Variants in RAB3C observed in about 807,000 individuals in gnomAD.
The protein encoded by RAB3C is RAB3C, member RAS oncogene family.
Under a neutral mutation model 26.4 loss-of-function variants are expected in RAB3C, and 17 were observed. The observed-to-expected ratio is 0.64, with a 90% CI of 0.44 to 0.97. The LOEUF is 0.97. RAB3C is among the 50% of genes least tolerant of loss of function. The pLI, the probability that RAB3C is intolerant of heterozygous loss-of-function variation, is 0.00. For synonymous variants in RAB3C, 91 were observed against 95.9 expected (o/e 0.95, Z 0.30); for missense variants, 242 against 281.9 (o/e 0.86, Z 1.01).
intron 1 of RAB3C, among the ~76,000 whole-genome samples, chr5:58,602,971 T>C (rs1293974039): frequency 2.0e-5 from 3 of 152,230 alleles, no homozygotes; most frequent in Non-Finnish European, 4.4e-5. Flanking sequence ...TTTCAAGGTT[T>C]AGAGCTCCTT....
chr5:58,811,928 G>A (rs1022695147), intron 3 of RAB3C, among the ~76,000 whole-genome samples: 10 of 151,942 alleles, frequency 6.6e-5, no homozygotes, highest in African/African-American at 2.2e-4. Context: ...AAGTACCCAT[G>A]GTCCTCTGCT....
intron 1 of RAB3C, among the ~76,000 whole-genome samples, chr5:58,616,754 C>A (rs1004952154): frequency 6.6e-6 from 1 of 152,126 alleles, no homozygotes; most frequent in Non-Finnish European, 1.5e-5. Flanking sequence ...GGTCACACAG[C>A]CAGTAAAGAG....
intron 3 of RAB3C, among the ~76,000 whole-genome samples, chr5:58,789,220 G>C (rs776175849): frequency 1.2e-4 from 19 of 152,064 alleles, no homozygotes; most frequent in Non-Finnish European, 1.8e-4. Context: ...TGGGGTACCA[G>C]CTGCCTCATT....
chr5:58,748,461 C>T (rs1244775483), intron 3 of RAB3C, among the ~76,000 whole-genome samples: 1 of 152,072 alleles, frequency 6.6e-6, no homozygotes, highest in Non-Finnish European at 1.5e-5. Flanking sequence ...AGTCTGAGAA[C>T]CATTGCTGTA....
At chr5:58,639,253 T>G (rs1428857535) in intron 2 of RAB3C, among the ~76,000 whole-genome samples, 1 of 152,110 alleles carries the variant, frequency 6.6e-6, no homozygotes, top group African/African-American at 2.4e-5. Context: ...TGACCTTGAT[T>G]TTTTTTAAAG....
At chr5:58,589,574 T>C (rs756072901) in intron 1 of RAB3C, among the ~76,000 whole-genome samples, 26 of 152,308 alleles carry the variant, frequency 1.7e-4, no homozygotes, top group Middle Eastern at 3.4e-3. Context: ...AGAGTTTTAA[T>C]TTTTAAAGAT....
Position 58,855,523 on chromosome 5 carries a change from C to T in RAB3C, c.*4172C>T, listed in dbSNP as rs1290657828. The T allele has an allele frequency of 6.6e-6, 1 of 152,196 alleles. No homozygotes were observed. The highest frequency in any genetic ancestry group is 1.5e-5 in the Non-Finnish European group (1 of 68,046). The allele number at this position is 152,196 out of a possible 1,614,324, so 9.4% of individuals were successfully genotyped here. ...CACATGAGCAACTACACCCATGTGG[C>T]CTTTCTGTCACTCCCTGGAAAATGC... On this transcript the variant is annotated 3_prime_UTR_variant, in exon 5 of 5. Coordinates refer to ENST00000282878, the MANE Select transcript of RAB3C (RefSeq NM_138453.4).
Position 58,851,160 on chromosome 5 carries a change from C to T in RAB3C, c.497-4C>T. 1 of 1,588,544 alleles carries T rather than the reference C, an allele frequency of 6.3e-7. No homozygotes were observed. Among genetic ancestry groups the T allele is most frequent in the Non-Finnish European group, 8.5e-7 (1 of 1,170,394 alleles). ...CAAGATGTGTTTCTGTGTGTTTCTT[C>T]CAGGGTTTGAGTTTTTTGAAACAAG... On this transcript the variant is annotated splice_polypyrimidine_tract_variant and splice_region_variant and intron_variant, in intron 4 of 4. Coordinates refer to ENST00000282878, the MANE Select transcript of RAB3C (RefSeq NM_138453.4).
intron 4 of RAB3C, among the ~76,000 whole-genome samples, chr5:58,826,249 G>A (rs1262853332): frequency 6.6e-6 from 1 of 152,126 alleles, no homozygotes; most frequent in Non-Finnish European, 1.5e-5. Context: ...GATCATATGG[G>A]TGAAATGGCA....
At chr5:58,691,933 G>A (rs1748578352) in intron 2 of RAB3C, among the ~76,000 whole-genome samples, 1 of 152,124 alleles carries the variant, frequency 6.6e-6, no homozygotes, top group Non-Finnish European at 1.5e-5. Flanking sequence ...ATTGTGTTCT[G>A]AAGATTCATG....
chr5:58,699,646 G>A (rs1206031281), intron 2 of RAB3C, among the ~76,000 whole-genome samples: 3 of 152,160 alleles, frequency 2.0e-5, no homozygotes, highest in Admixed American at 2.0e-4. Context: ...CTGCTGCTTT[G>A]TTTACCTACT....
chr5:58,731,031 T>A (rs192347384), intron 3 of RAB3C, among the ~76,000 whole-genome samples: 12 of 151,776 alleles, frequency 7.9e-5, no homozygotes, highest in Non-Finnish European at 1.6e-4. Flanking sequence ...AAGAACAACA[T>A]GGGAAAAAAA....
chr5:58,619,541 A>G (rs904229534), intron 2 of RAB3C, among the ~76,000 whole-genome samples: 19 of 152,290 alleles, frequency 1.2e-4, no homozygotes, highest in African/African-American at 4.6e-4. Flanking sequence ...CTCCATGACA[A>G]TGTTCTTTTT....
At chr5:58,636,399 C>T (rs1272572831) in intron 2 of RAB3C, among the ~76,000 whole-genome samples, 1 of 152,180 alleles carries the variant, frequency 6.6e-6, no homozygotes, top group Non-Finnish European at 1.5e-5. Context: ...TCCATCATAA[C>T]TGGAACGTTG....
chr5:58,610,023 C>G (rs1051098922), intron 1 of RAB3C, among the ~76,000 whole-genome samples: 4 of 152,088 alleles, frequency 2.6e-5, no homozygotes, highest in Non-Finnish European at 5.9e-5. Flanking sequence ...TTCTGAGAGA[C>G]AAACGTGGAG....
chr5:58,707,988 C>CTTTT (rs35213627), intron 2 of RAB3C, among the ~76,000 whole-genome samples: 9 of 142,568 alleles, frequency 6.3e-5, no homozygotes, highest in Non-Finnish European at 6.1e-5. Context: ...TCTTTCTTTC[C>CTTTT]TTTTTTTTTT....
At chr5:58,584,319 T>G (rs185911346) in intron 1 of RAB3C, among the ~76,000 whole-genome samples, 42 of 152,340 alleles carry the variant, frequency 2.8e-4, no homozygotes, top group African/African-American at 1.0e-3. Context: ...CTTACTGGAC[T>G]GTTAGATGAA....
chr5:58,759,536 A>G (rs1402358571), intron 3 of RAB3C, among the ~76,000 whole-genome samples: 1 of 152,216 alleles, frequency 6.6e-6, no homozygotes, highest in Non-Finnish European at 1.5e-5. Flanking sequence ...GAAGATAACC[A>G]TGATAAAATT....
intron 3 of RAB3C, among the ~76,000 whole-genome samples, chr5:58,813,966 T>C (rs542414772): frequency 2.0e-5 from 3 of 152,262 alleles, no homozygotes; most frequent in South Asian, 4.1e-4. Flanking sequence ...AGCTCAAAGA[T>C]GACAAAAGCA....
Sources: gnomAD v4.1 joint callset for allele counts (sites outside exome capture counted in the v4.1 genomes callset) on GRCh38, gnomAD v4.1.1 for gene constraint, MANE v1.5 for transcripts, NCBI Gene and HGNC (gene_info 2026-07-23, HGNC 2026-07-21) for gene names.